The following PATJ variants were observed in gnomAD, a reference collection of about 807,000 sequenced individuals.
The protein encoded by PATJ is PATJ crumbs cell polarity complex component, also known as inaD-like protein.
A neutral mutation model predicts 224.9 loss-of-function variants in PATJ; 190 were observed. The ratio of observed to expected loss-of-function variants is 0.84; its 90% CI spans 0.75 to 0.95. The LOEUF (loss-of-function observed/expected upper bound fraction) is 0.95, where lower values mean the gene tolerates loss of function less well. PATJ is among the 40% of genes least tolerant of loss of function. PATJ has a pLI of 0.00. For missense variants in PATJ, 2,121 were observed against 2,270.3 expected, an observed-to-expected ratio of 0.93 and a Z score of 1.34; for synonymous variants, 769 against 820.3, an observed-to-expected ratio of 0.94 and a Z score of 1.07.
chr1:61,778,133 G>C (rs189984726), intron 7 of PATJ, among the ~76,000 whole-genome samples: 3 of 152,102 alleles, frequency 2.0e-5, no homozygotes, highest in African/African-American at 7.2e-5. Flanking sequence ...TCCCGCCTTG[G>C]CCTCCCAAAG....
At chr1:62,043,254 A>G (rs556495176) in intron 30 of PATJ, among the ~76,000 whole-genome samples, 2 of 152,294 alleles carry the variant, frequency 1.3e-5, no homozygotes, top group South Asian at 2.1e-4. Flanking sequence ...ACAGCTATAT[A>G]TATTTATAAG....
chr1:61,960,886 A>G (rs1681178407), intron 27 of PATJ, among the ~76,000 whole-genome samples: 1 of 152,140 alleles, frequency 6.6e-6, no homozygotes, highest in Non-Finnish European at 1.5e-5. Flanking sequence ...AGACAGTTAT[A>G]TCTTCTTGAA....
chr1:61,988,690 C>T (rs1026624138), intron 27 of PATJ, among the ~76,000 whole-genome samples: 1 of 152,072 alleles, frequency 6.6e-6, no homozygotes, highest in African/African-American at 2.4e-5. Context: ...AAATAAGCCC[C>T]CCCTTGTGCT....
chr1:61,764,826 T>C (rs1646167793), intron 3 of PATJ, among the ~76,000 whole-genome samples: 1 of 152,120 alleles, frequency 6.6e-6, no homozygotes, highest in Non-Finnish European at 1.5e-5. Flanking sequence ...TGTATTTCTC[T>C]TGGTCACAGA....
intron 31 of PATJ, among the ~76,000 whole-genome samples, chr1:62,061,839 T>G (rs1439414708): frequency 2.6e-5 from 4 of 152,066 alleles, no homozygotes; most frequent in Non-Finnish European, 5.9e-5. Flanking sequence ...TTTTGTATTT[T>G]TAGTAAAGAT....
chr1:61,990,174 T>G lies in PATJ; in HGVS notation c.3677T>G (p.Ile1226Ser). Residue 1226 changes from isoleucine to serine, a missense_variant, in exon 28 of 44, where the codon ATC becomes AGC. By Grantham distance (142) the Ile-to-Ser change is moderately radical (BLOSUM62 -2). Transcript: ENST00000642238. ...AAAAAAATTCTTTTAATAGAAAAAA[T>G]CAGACAAAGATATGCAGATCTGCCT... ...EEEDAFTDQK[I>S]RQRYADLPGE... is the part of the protein sequence containing the mutation. The G allele has an allele frequency of 1.9e-6, 3 of 1,592,428 alleles. No individual in the cohort carries two copies. Among genetic ancestry groups the G allele is most frequent in the Non-Finnish European group, 2.6e-6 (3 of 1,173,964 alleles).
chr1:62,121,166 G>C lies in PATJ; in HGVS notation c.4891-15G>C. The C allele has an allele frequency of 6.3e-7, 1 of 1,577,484 alleles. No homozygotes were observed. Among genetic ancestry groups the C allele is most frequent in the Admixed American group, 1.7e-5 (1 of 58,938 alleles). On this transcript the variant is annotated splice_polypyrimidine_tract_variant and intron_variant, in intron 37 of 43. Coordinates refer to ENST00000642238, the MANE Select transcript of PATJ (RefSeq NM_001350145.3). ...CAGTGTCTGCACACAGGTGACCCCT[G>C]GGTCTTTCTTTCAGGGTAGTCAGCA...
rs1670001773 is a variant in PATJ at position 62,163,868 on chromosome 1, T to C, written c.*2814T>C. ...AGAATAAAACTGCTGAATGTTTGTA[T>C]GTGTAAGATATTTCCAAAGATTCTA... On this transcript the variant is annotated 3_prime_UTR_variant, in exon 44 of 44. Transcript: ENST00000642238. 1 of 152,182 alleles carries C rather than the reference T, an allele frequency of 6.6e-6. No individual in the cohort carries two copies. The highest frequency in any genetic ancestry group is 1.5e-5 in the Non-Finnish European group (1 of 68,034). 9.4% of individuals were successfully genotyped at this position (152,182 alleles called of 1,614,324 possible).
At chr1:61,900,769 T>G (rs1671044146) in intron 23 of PATJ, among the ~76,000 whole-genome samples, 6 of 152,128 alleles carry the variant, frequency 3.9e-5, no homozygotes, top group Admixed American at 3.9e-4. Context: ...TTTTGTATTT[T>G]TAGTAGAGAC....
intron 33 of PATJ, among the ~76,000 whole-genome samples, chr1:62,104,278 G>A (rs979035734): frequency 6.6e-6 from 1 of 152,058 alleles, no homozygotes; most frequent in Non-Finnish European, 1.5e-5. Flanking sequence ...AAGTAATAAA[G>A]GTCAGTCTTT....
At chr1:61,902,727 G>A (rs1671359280) in intron 24 of PATJ, among the ~76,000 whole-genome samples, 1 of 152,126 alleles carries the variant, frequency 6.6e-6, no homozygotes, top group Admixed American at 6.6e-5. Context: ...TGGGGGAATA[G>A]ACAATAAAAT....
chr1:61,891,300 C>T (rs1669575275), intron 22 of PATJ, among the ~76,000 whole-genome samples: 1 of 152,114 alleles, frequency 6.6e-6, no homozygotes, highest in Admixed American at 6.6e-5. Context: ...TTTAAGCTCC[C>T]AACACAGTGC....
chr1:61,807,658 G>A (rs189904520), intron 13 of PATJ, among the ~76,000 whole-genome samples: 1 of 152,306 alleles, frequency 6.6e-6, no homozygotes, highest in East Asian at 1.9e-4. Flanking sequence ...AAGAAGCTAG[G>A]CATGATGGAG....
intron 22 of PATJ, among the ~76,000 whole-genome samples, chr1:61,891,117 T>C (rs1571143126): frequency 6.6e-6 from 1 of 151,916 alleles, no homozygotes; most frequent in African/African-American, 2.4e-5. Context: ...GGGAGGATGG[T>C]GAACTTTAGA....
intron 29 of PATJ, among the ~76,000 whole-genome samples, chr1:62,019,368 A>T (rs1045917917): frequency 1.3e-5 from 2 of 151,588 alleles, no homozygotes; most frequent in Non-Finnish European, 2.9e-5. Flanking sequence ...CTCTACTAAA[A>T]ATACAAAAAT....
At chr1:62,004,733 A>G (rs12748935) in intron 28 of PATJ, among the ~76,000 whole-genome samples, 28,073 of 152,126 alleles carry the variant, frequency 0.18, 2,755 homozygotes, top group Non-Finnish European at 0.21. Flanking sequence ...TATGTTGTAA[A>G]CATTTATTAA....
intron 37 of PATJ, among the ~76,000 whole-genome samples, chr1:62,119,783 A>G (rs936868802): frequency 5.9e-5 from 9 of 152,210 alleles, no homozygotes; most frequent in Non-Finnish European, 1.0e-4. Context: ...GTCTCTACTA[A>G]AAATACAAAA....
chr1:62,153,619 A>G, intron 43 of PATJ, 138 bp downstream of exon 43: 1 of 475,086 alleles, frequency 2.1e-6, no homozygotes, highest in Non-Finnish European at 3.3e-6. Context: ...TCTTATAGGA[A>G]ATTCTCACAC....
At chr1:61,878,488 G>A (rs1667643562) in intron 21 of PATJ, among the ~76,000 whole-genome samples, 1 of 152,130 alleles carries the variant, frequency 6.6e-6, no homozygotes, top group African/African-American at 2.4e-5. Flanking sequence ...AGAAGTGGTA[G>A]TGAGTTTACC....
Sources: allele counts gnomAD v4.1 joint callset (sites outside exome capture counted in the v4.1 genomes callset), GRCh38; gene constraint gnomAD v4.1.1; transcripts MANE v1.5; gene names NCBI Gene and HGNC (gene_info 2026-07-23, HGNC 2026-07-21).